The following NWD1 variants were observed in gnomAD, a reference collection of about 807,000 sequenced individuals.
The protein encoded by NWD1 is NACHT domain- and WD repeat-containing protein 1.
A neutral mutation model predicts 135.1 loss-of-function variants in NWD1; 129 were observed. The ratio of observed to expected loss-of-function variants is 0.96; its 90% CI spans 0.83 to 1.11. The LOEUF is 1.11. Among genes scored for constraint, NWD1 ranks in the 50% least tolerant of loss-of-function variants. The pLI is 0.00. For synonymous variants in NWD1, 773 were observed against 786.0 expected, an observed-to-expected ratio of 0.98 and a Z score of 0.28; for missense variants, 1,740 against 1,851.3, an observed-to-expected ratio of 0.94 and a Z score of 1.10.
At chr19:16,790,369 T>C (rs888959124) in intron 13 of NWD1, among the ~76,000 whole-genome samples, 2 of 152,012 alleles carry the variant, frequency 1.3e-5, no homozygotes, top group Admixed American at 1.3e-4. Flanking sequence ...ACATAAGTAA[T>C]TGGTGGTTGT....
intron 12 of NWD1, among the ~76,000 whole-genome samples, chr19:16,787,023 C>T (rs1230471875): frequency 6.6e-6 from 1 of 152,182 alleles, no homozygotes; most frequent in Non-Finnish European, 1.5e-5. Flanking sequence ...GCAGTTTATC[C>T]TCCTGAAGTT....
In NWD1 at chr19:16,749,627, G is replaced by T; in HGVS notation, c.985G>T (p.Asp329Tyr). The T allele has an allele frequency of 3.1e-6, 5 of 1,610,718 alleles. No homozygotes were observed. The highest frequency in any genetic ancestry group is 4.2e-6 in the Non-Finnish European group (5 of 1,177,640). The change falls in exon 6 of 19, where the codon GAT (aspartate) becomes TAT (tyrosine). Residue 329 changes from aspartate to tyrosine, a missense_variant. Physicochemically the swap from Asp to Tyr is radical, Grantham distance 160 (BLOSUM62 -3). Coordinates refer to ENST00000524140, the MANE Select transcript of NWD1 (RefSeq NM_001007525.5). ...CCGGCTTGGGCAGCAGCTCAGGCACGATGACAGCAAGCAGCACACCCCCCT... is the reference window on the plus strand; with the variant it reads ...CCGGCTTGGGCAGCAGCTCAGGCACTATGACAGCAAGCAGCACACCCCCCT... ...LARLGQQLRH[D>Y]DSKQHTPLVL...
Position 16,762,026 on chromosome 19 carries a change from G to C in NWD1, c.2021G>C (p.Arg674Thr), listed in dbSNP as rs1204176689. 1.9e-6 allele frequency: 3 copies of C among 1,613,926 alleles called. No individual in the cohort carries two copies. Among genetic ancestry groups the C allele is most frequent in the Non-Finnish European group, 2.5e-6 (3 of 1,179,976 alleles). Residue 674 changes from arginine (R) to threonine (T), a missense_variant, in exon 8 of 19, where the codon AGA (arginine) becomes ACA (threonine). Physicochemically the swap from Arg to Thr is moderately conservative, Grantham distance 71. Transcript: ENST00000524140. ...GAGCGCTACCTGTCAGGATCCGAGA[G>C]AGCCAAGAGGCATGGCGTCCTGGCC... ...VRERYLSGSE[R>T]AKRHGVLADF...
At chr19:16,739,548 G>A (rs1396401824) in intron 4 of NWD1, among the ~76,000 whole-genome samples, 2 of 151,974 alleles carry the variant, frequency 1.3e-5, no homozygotes, top group African/African-American at 2.4e-5. Flanking sequence ...AGGCCCTATG[G>A]CCAGCTGAGC....
chr19:16,794,447 C>CT lies in NWD1; in HGVS notation c.3214-16_3214-15insT. 1 of 1,538,340 alleles carries CT rather than the reference C, an allele frequency of 6.5e-7. No homozygotes were observed. Among genetic ancestry groups the CT allele is most frequent in the Non-Finnish European group, 9.0e-7 (1 of 1,112,918 alleles). On this transcript the variant is annotated splice_polypyrimidine_tract_variant and intron_variant, in intron 14 of 18. Transcript: ENST00000524140. ...ACCCGTGGAAGTGCCTGACAGGCAT[C>CT]CCTGGTTCTGCACAGGTTTCCTCCA...
intron 16 of NWD1, among the ~76,000 whole-genome samples, chr19:16,798,303 C>T (rs1349793424): frequency 6.6e-6 from 1 of 152,052 alleles, no homozygotes; most frequent in Non-Finnish European, 1.5e-5. Context: ...GCTATTTTTT[C>T]CAGTTTTAAA....
intron 7 of NWD1, 69 bp from the exon 8 acceptor site, chr19:16,761,910 G>A (rs2122884192): frequency 1.4e-6 from 2 of 1,389,864 alleles, no homozygotes; most frequent in East Asian, 4.7e-5. Flanking sequence ...CTGCCTCCAG[G>A]AAGACAAGCA....
Position 16,807,619 on chromosome 19 carries a change from A to T in NWD1, c.3770A>T (p.Glu1257Val). ...CAAGATTCCCTGGACACCTCCAGTG[A>T]GATCAGGTGTCTGGAGGTTGCTGAG... ...EEQDSLDTSS[E>V]IRCLEVAEQR... Residue 1257 changes from glutamate (E) to valine (V), a missense_variant, in exon 18 of 19, where the codon GAG (glutamate) becomes GTG (valine). Coordinates refer to ENST00000524140, the MANE Select transcript of NWD1 (RefSeq NM_001007525.5). 4 of 1,538,714 alleles carry T rather than the reference A, an allele frequency of 2.6e-6. No individual in the cohort carries two copies. Among genetic ancestry groups the T allele is most frequent in the Non-Finnish European group, 3.5e-6 (4 of 1,144,770 alleles).
intron 17 of NWD1, among the ~76,000 whole-genome samples, chr19:16,802,463 TA>T (rs1165843521): frequency 0.31 from 29,737 of 96,396 alleles, 4,164 homozygotes; most frequent in Middle Eastern, 0.46. Context: ...CTATCTCAAT[TA>T]AAAAAAAAAA....
intron 13 of NWD1, among the ~76,000 whole-genome samples, chr19:16,789,999 T>C (rs967918825): frequency 9.8e-5 from 15 of 152,348 alleles, no homozygotes; most frequent in Admixed American, 5.9e-4. Context: ...ATTACAGGCC[T>C]GAGCCATCAT....
intron 12 of NWD1, among the ~76,000 whole-genome samples, chr19:16,787,721 G>A (rs1391283644): frequency 1.3e-5 from 2 of 150,982 alleles, no homozygotes; most frequent in Non-Finnish European, 1.5e-5. Flanking sequence ...TTAGCCAGGC[G>A]CGGTGGCACA....
intron 9 of NWD1, 92 bp from the exon 10 acceptor site, chr19:16,764,942 C>G: frequency 1.4e-6 from 2 of 1,381,902 alleles, no homozygotes; most frequent in Admixed American, 1.8e-5. Context: ...CCTGAGATGC[C>G]CTGGAGGAAA....
intron 3 of NWD1, among the ~76,000 whole-genome samples, chr19:16,732,677 T>TAAAAAAAAAA (rs1464805489): frequency 0.1 from 8,558 of 83,356 alleles, 1,105 homozygotes; most frequent in African/African-American, 0.16. Flanking sequence ...AAAGAAAAAG[T>TAAAAAAAAAA]GAAAAAGTGC....
rs1375021350 is a variant in NWD1, at chr19:16,741,593, TCCTGACCTCAGGTGATCCA to T, written c.199-2823_199-2805del. 3.3e-5 allele frequency among the ~76,000 whole-genome samples: 5 copies of T among 151,970 alleles called. No individual in the cohort carries two copies. The East Asian group carries it at 7.9e-4, about 24-fold the overall frequency. ...TATGTTGGCCAGGCTGGTCTCGAACTCCTGACCTCAGGTGATCCACCTGCCTCGGCCTCCCAAAGTGCTG... is the reference window on the plus strand; with the variant it reads ...TATGTTGGCCAGGCTGGTCTCGAACTCCTGCCTCGGCCTCCCAAAGTGCTG... On this transcript the variant is annotated intron_variant, in intron 4 of 18. Coordinates refer to ENST00000524140, the MANE Select transcript of NWD1 (RefSeq NM_001007525.5).
rs976987693 is a variant in NWD1 at position 16,817,611 on chromosome 19, A to T, written c.*2572A>T. 15 of 151,936 alleles carry T rather than the reference A, an allele frequency of 9.9e-5. No individual in the cohort carries two copies. Among genetic ancestry groups the T allele is most frequent in the African/African-American group, 3.6e-4 (15 of 41,392 alleles). The allele number at this position is 151,936 out of a possible 1,614,324, so 9.4% of individuals were successfully genotyped here. On this transcript the variant is annotated 3_prime_UTR_variant, in exon 19 of 19. Transcript: ENST00000524140. ...AGACTCTGTCTCCAAAAAAAAAAAA[A>T]AAAAAAAGTAATGGCAAAAACCACA...
chr19:16,764,509 GTCCA>G (rs564689012), intron 9 of NWD1, among the ~76,000 whole-genome samples: 6 of 150,276 alleles, frequency 4.0e-5, no homozygotes, highest in South Asian at 2.1e-4. Flanking sequence ...CCTTCTGTCT[GTCCA>G]TCCATCCATC....
chr19:16,760,827 T>A (rs555997087), intron 7 of NWD1, among the ~76,000 whole-genome samples: 4 of 151,696 alleles, frequency 2.6e-5, no homozygotes, highest in Admixed American at 2.6e-4. Context: ...TGACCTCAGG[T>A]GATCTGCCCG....
chr19:16,792,015 C>T (rs929931862), intron 14 of NWD1, among the ~76,000 whole-genome samples: 8 of 152,106 alleles, frequency 5.3e-5, no homozygotes, highest in Non-Finnish European at 1.0e-4. Context: ...TGCCCGGCCA[C>T]ACGCTTGGCT....
rs745370637 is a variant in NWD1, at chr19:16,807,735, C to T, written c.3886C>T (p.Pro1296Ser). The T allele has an allele frequency of 6.2e-6, 10 of 1,613,288 alleles. No homozygotes were observed. Among genetic ancestry groups the T allele is most frequent in the Admixed American group, 1.7e-5 (1 of 59,958 alleles). Residue 1296 changes from proline to serine, a missense_variant, in exon 18 of 19, where the codon CCC becomes TCC. Physicochemically the swap from Pro to Ser is moderately conservative, Grantham distance 74. Transcript: ENST00000524140. Reference sequence around the variant, plus strand: ...GCAGGACGTGATATGCATTCCCCCTCCCGAGGCCCGGAAAGCAATCAACTG... The same window carrying T: ...GCAGGACGTGATATGCATTCCCCCTTCCGAGGCCCGGAAAGCAATCAACTG... Reference protein sequence around the residue: ...SRQDVICIPPPEARKAINCMS... With the variant: ...SRQDVICIPPSEARKAINCMS...
Sources: allele counts gnomAD v4.1 joint callset (sites outside exome capture counted in the v4.1 genomes callset), GRCh38; gene constraint gnomAD v4.1.1; transcripts MANE v1.5; gene names NCBI Gene and HGNC (gene_info 2026-07-23, HGNC 2026-07-21).